COL5A1: variants seen among roughly 807,000 people sequenced by gnomAD.
COL5A1 encodes the protein collagen type V alpha 1 chain.
COL5A1 carries 16 observed loss-of-function variants against 263.7 expected under a neutral mutation model. The observed-to-expected ratio is 0.06, with a 90% CI of 0.04 to 0.09. The LOEUF is 0.09. Ranked by LOEUF, COL5A1 falls within the 10% of genes least tolerant of loss-of-function variation. The probability of loss-of-function intolerance (pLI) is 1.00; values close to 1 mark genes in which losing one functional copy is unlikely to be tolerated. For synonymous variants in COL5A1, 1,012 were observed against 1,004.5 expected, an observed-to-expected ratio of 1.01 and a Z score of -0.14; for missense variants, 2,036 against 2,540.5, an observed-to-expected ratio of 0.80 and a Z score of 4.27.
At chr9:134,747,477 A>T (rs1040221121) in intron 11 of COL5A1, among the ~76,000 whole-genome samples, 22 of 149,986 alleles carry the variant, frequency 1.5e-4, no homozygotes, top group Middle Eastern at 3.5e-3. Context: ...ACACATGCAT[A>T]CACACATGCA....
intron 36 of COL5A1, 80 bp downstream of exon 36, chr9:134,796,981 T>G: frequency 7.4e-7 from 1 of 1,351,862 alleles, no homozygotes; most frequent in Non-Finnish European, 1.1e-6. Flanking sequence ...CCCGCCTGTT[T>G]TCTCTGAGGT....
intron 6 of COL5A1, 76 bp downstream of exon 6, chr9:134,728,883 G>A (rs1368527830): frequency 1.9e-6 from 3 of 1,588,366 alleles, no homozygotes; most frequent in African/African-American, 1.3e-5. Context: ...GGCCAGGAGA[G>A]GTTGTGTCAG....
Position 134,842,677 on chromosome 9 carries a change from A to ATAT in COL5A1, c.*376_*378dup. 1 of 320,888 alleles carries ATAT rather than the reference A, an allele frequency of 3.1e-6. No individual in the cohort carries two copies. Among genetic ancestry groups the ATAT allele is most frequent in the Non-Finnish European group, 5.9e-6 (1 of 170,940 alleles). The allele number at this position is 320,888 out of a possible 1,614,324, so 19.9% of individuals were successfully genotyped here. A position where few individuals can be genotyped will look rare whatever the true frequency, so the allele number is the denominator to read the frequency against. ...GGAGGGACTGCCAGATTTGGACACTATATTTTTTTCTAAATTCAACTTGAA... is the reference window on the plus strand; with the variant it reads ...GGAGGGACTGCCAGATTTGGACACTATATTATTTTTTTCTAAATTCAACTTGAA... On this transcript the variant is annotated 3_prime_UTR_variant, in exon 66 of 66. Transcript: ENST00000371817. This position sits in a 1 kb window ranked among gnomAD's most constrained non-coding sequence, Gnocchi z 5.8.
intron 64 of COL5A1, chr9:134,830,382 G>C (rs772351222): frequency 4.9e-6 from 3 of 616,296 alleles, no homozygotes; most frequent in Non-Finnish European, 5.7e-6. Flanking sequence ...TCTGCCTGGA[G>C]TAGGCAGATG....
At chr9:134,771,928 G>A (rs986605106) in intron 25 of COL5A1, among the ~76,000 whole-genome samples, 7 of 152,170 alleles carry the variant, frequency 4.6e-5, no homozygotes, top group Admixed American at 1.3e-4. Context: ...TTGGCTCACC[G>A]ATCCTGAGCT....
In COL5A1 at chr9:134,721,017, C is replaced by G. The variant is rs114979603; in HGVS notation, c.655-6249C>G. Among the ~76,000 whole-genome samples, 858 of 152,262 alleles carry G rather than the reference C, an allele frequency of 5.6e-3. 9 individuals are homozygous for G. Among genetic ancestry groups the G allele is most frequent in the African/African-American group, 0.019 (810 of 41,540 alleles). On this transcript the variant is annotated intron_variant, in intron 4 of 65. Coordinates refer to ENST00000371817, the MANE Select transcript of COL5A1 (RefSeq NM_000093.5). ...CCGCCAGACCCACCACATGGAGTCT[C>G]TGGGGATCCCAGGGTTCCGCGGGTG...
Position 134,794,599 on chromosome 9 carries a change from G to A in COL5A1, c.2701-483G>A, listed in dbSNP as rs933136935. ...TATATATTAAATTCCAAGTTTGCGCGTCTGCAGAGCCTGTTGAAAATTTAA... is the reference window on the plus strand; with the variant it reads ...TATATATTAAATTCCAAGTTTGCGCATCTGCAGAGCCTGTTGAAAATTTAA... On this transcript the variant is annotated intron_variant, in intron 32 of 65. Transcript: ENST00000371817. This position sits in a 1 kb window ranked among gnomAD's most constrained non-coding sequence, Gnocchi z 4.3. Among the ~76,000 whole-genome samples the A allele has an allele frequency of 2.6e-5, 4 of 152,214 alleles. No homozygotes were observed. Among genetic ancestry groups the A allele is most frequent in the South Asian group, 2.1e-4 (1 of 4,830 alleles).
chr9:134,702,617 G>A (rs1398074193), intron 4 of COL5A1, among the ~76,000 whole-genome samples: 1 of 152,194 alleles, frequency 6.6e-6, no homozygotes, highest in African/African-American at 2.4e-5. Context: ...TCGTGGGGAC[G>A]GGCACGGTTG....
intron 2 of COL5A1, among the ~76,000 whole-genome samples, chr9:134,692,637 C>G (rs984598712): frequency 9.9e-5 from 15 of 152,166 alleles, no homozygotes; most frequent in African/African-American, 3.6e-4. Context: ...GGATCTTCAG[C>G]CACTTTGTTT....
At chr9:134,737,128 C>G (rs1835129225) in intron 9 of COL5A1, among the ~76,000 whole-genome samples, 1 of 152,238 alleles carries the variant, frequency 6.6e-6, no homozygotes, top group African/African-American at 2.4e-5. Context: ...TCCCAGGGAA[C>G]TCTCTGCAGA....
chr9:134,774,720 G>A (rs1304625851), intron 26 of COL5A1, 139 bp from the exon 27 acceptor site: 1 of 827,968 alleles, frequency 1.2e-6, no homozygotes, highest in Non-Finnish European at 2.0e-6. Context: ...TCCCACGGGG[G>A]GCCTCTCTGG....
chr9:134,666,181 ATGCTCCGAAAATAGGAGTG>A (rs1832348794), intron 1 of COL5A1, among the ~76,000 whole-genome samples: 1 of 152,248 alleles, frequency 6.6e-6, no homozygotes, highest in Non-Finnish European at 1.5e-5. Context: ...TCACTCAGTA[ATGCTCCGAAAATAGGAGTG>A]TGCCCCTGTA....
intron 9 of COL5A1, 33 bp from the exon 10 acceptor site, chr9:134,738,441 G>C: frequency 6.2e-7 from 1 of 1,613,748 alleles, no homozygotes; most frequent in Non-Finnish European, 8.5e-7. Context: ...GGGATGGGCT[G>C]CGGTCTCAGA....
At chr9:134,710,070 C>T (rs900763469) in intron 4 of COL5A1, among the ~76,000 whole-genome samples, 4 of 152,212 alleles carry the variant, frequency 2.6e-5, no homozygotes, top group Admixed American at 6.5e-5. Flanking sequence ...CTGAGGGAGC[C>T]GCAGTCAAGC....
chr9:134,824,717 G>A lies in COL5A1; in HGVS notation c.4816G>A (p.Asp1606Asn). 6.2e-7 allele frequency: 1 copy of A among 1,614,234 alleles called. No individual in the cohort carries two copies. The highest frequency in any genetic ancestry group is 8.5e-7 in the Non-Finnish European group (1 of 1,180,054). ...GNGENYVDYA[D>N]GMEEIFGSLN... ...TGGCGAGAACTACGTGGACTACGCGGACGGCATGGAAGAGATCTTCGGCTC... is the reference window on the plus strand; with the variant it reads ...TGGCGAGAACTACGTGGACTACGCGAACGGCATGGAAGAGATCTTCGGCTC... The change falls in exon 62 of 66, where the codon GAC becomes AAC. Residue 1606 changes from aspartate to asparagine, a missense_variant. This residue lies in a region of COL5A1 where 358 missense variants were observed against 384.6 expected (regional missense o/e 0.93). Transcript: ENST00000371817.
chr9:134,729,819 C>T (rs987075585), intron 6 of COL5A1, among the ~76,000 whole-genome samples: 2 of 149,462 alleles, frequency 1.3e-5, no homozygotes, highest in African/African-American at 5.0e-5. Flanking sequence ...TGTGTGCATG[C>T]GGGCACGGGT....
At chr9:134,649,889 T>C (rs1831611871) in intron 1 of COL5A1, among the ~76,000 whole-genome samples, 2 of 152,138 alleles carry the variant, frequency 1.3e-5, no homozygotes, top group African/African-American at 4.8e-5. Context: ...TGCAGGGACA[T>C]GGATGAAGCT....
chr9:134,689,978 G>A (rs555417305), intron 1 of COL5A1, among the ~76,000 whole-genome samples: 1 of 152,216 alleles, frequency 6.6e-6, no homozygotes, highest in African/African-American at 2.4e-5. Flanking sequence ...CTGGATTCGC[G>A]CCTTGTGGTG....
chr9:134,665,322 G>A (rs375195714), intron 1 of COL5A1, among the ~76,000 whole-genome samples: 22 of 152,232 alleles, frequency 1.4e-4, no homozygotes, highest in Non-Finnish European at 2.8e-4. Context: ...CTGGAAGGGC[G>A]AGAGCCGTTT....
Sources: gnomAD v4.1 joint callset for allele counts (sites outside exome capture counted in the v4.1 genomes callset) on GRCh38, gnomAD v4.1.1 for gene constraint, gnomAD v4.1.1 regional missense constraint, Gnocchi (gnomAD v3.1) non-coding constraint, MANE v1.5 for transcripts, NCBI Gene and HGNC (gene_info 2026-07-23, HGNC 2026-07-21) for gene names.